The following LRRC69 variants were observed in gnomAD, a reference collection of about 807,000 sequenced individuals.
The protein encoded by LRRC69 is leucine-rich repeat-containing protein 69.
In LRRC69, 42 loss-of-function variants were observed where a neutral mutation model predicts 37.8. The observed-to-expected ratio is 1.11, with a 90% CI of 0.87 to 1.44. LRRC69 has a LOEUF of 1.44. LRRC69 is among the 40% of genes most tolerant of loss of function. LRRC69 has a pLI of 0.00. For missense variants in LRRC69, 357 were observed against 401.9 expected, an observed-to-expected ratio of 0.89 and a Z score of 0.96; for synonymous variants, 141 against 143.1, an observed-to-expected ratio of 0.99 and a Z score of 0.11.
In LRRC69 at chr8:91,194,241, C is replaced by T. The variant is rs1325511108; in HGVS notation, c.753+4618C>T. ...AAGCTTTTTGATGTGCTGCTGGATT[C>T]GGTTTGCCAGTATTTTATTGAGGAT... is the stretch of plus-strand genomic sequence containing the variant. On this transcript the variant is annotated intron_variant, in intron 6 of 7. Transcript: ENST00000448384. Among the ~76,000 whole-genome samples, 16 of 146,430 alleles carry T rather than the reference C, an allele frequency of 1.1e-4. No homozygotes were observed. In the East Asian group the frequency reaches 2.6e-3, roughly 24 times the overall value.
intron 5 of LRRC69, among the ~76,000 whole-genome samples, chr8:91,150,673 T>C (rs2130545726): frequency 6.6e-6 from 1 of 152,024 alleles, no homozygotes; most frequent in African/African-American, 2.4e-5. Context: ...CCAGCTCCTC[T>C]TTGTACCTCT....
intron 2 of LRRC69, among the ~76,000 whole-genome samples, chr8:91,126,473 C>T (rs867570284): frequency 1.4e-4 from 21 of 152,084 alleles, no homozygotes; most frequent in African/African-American, 5.1e-4. Context: ...TTTTAAAAAT[C>T]TGTTTTAAAA....
intron 6 of LRRC69, among the ~76,000 whole-genome samples, chr8:91,195,903 A>G (rs1381423615): frequency 6.6e-6 from 1 of 152,034 alleles, no homozygotes; most frequent in Non-Finnish European, 1.5e-5. Context: ...TTAGCTGGTT[A>G]TTTTGCTCAT....
intron 7 of LRRC69, among the ~76,000 whole-genome samples, chr8:91,202,155 G>A (rs1809720636): frequency 6.6e-6 from 1 of 152,110 alleles, no homozygotes; most frequent in African/African-American, 2.4e-5. Context: ...GTAGTTAACC[G>A]AGATTGCACC....
chr8:91,103,411 CT>C (rs1346170520), intron 1 of LRRC69, among the ~76,000 whole-genome samples: 1 of 151,834 alleles, frequency 6.6e-6, no homozygotes, highest in Non-Finnish European at 1.5e-5. Context: ...AAAAAATATT[CT>C]TTTTTAAAGA....
At chr8:91,219,045 C>A, downstream of LRRC69, 2 of 1,070,608 alleles carry the variant, frequency 1.9e-6, no homozygotes, top group South Asian at 1.4e-5. Flanking sequence ...CTTGCCCTGT[C>A]AGCTCTGCAT....
intron 6 of LRRC69, among the ~76,000 whole-genome samples, chr8:91,190,184 G>A (rs553147145): frequency 1.5e-4 from 23 of 151,928 alleles, no homozygotes; most frequent in Non-Finnish European, 2.5e-4. Context: ...TAATGTGCAG[G>A]ATTGTCATAA....
chr8:91,204,457 C>G (rs1016069128), intron 7 of LRRC69, among the ~76,000 whole-genome samples: 1 of 152,194 alleles, frequency 6.6e-6, no homozygotes, highest in Non-Finnish European at 1.5e-5. Flanking sequence ...AATATGGCCT[C>G]TATGCTGGGG....
intron 5 of LRRC69, among the ~76,000 whole-genome samples, chr8:91,183,025 A>C (rs1809349588): frequency 6.6e-6 from 1 of 152,178 alleles, no homozygotes; most frequent in South Asian, 2.1e-4. Context: ...CATTCCAGAC[A>C]GAAGGAATAG....
chr8:91,140,013 A>G (rs1247089365), intron 5 of LRRC69, among the ~76,000 whole-genome samples: 1 of 149,664 alleles, frequency 6.7e-6, no homozygotes, highest in African/African-American at 2.5e-5. Context: ...GCTTGAACCC[A>G]GAAGGCAGAG....
chr8:91,106,629 G>T (rs1016709764), intron 1 of LRRC69, among the ~76,000 whole-genome samples: 2 of 151,874 alleles, frequency 1.3e-5, no homozygotes, highest in African/African-American at 4.8e-5. Flanking sequence ...ATAAAATGAG[G>T]TCTCCTTGGA....
At chr8:91,144,177 A>G (rs1029015717) in intron 5 of LRRC69, among the ~76,000 whole-genome samples, 2 of 151,834 alleles carry the variant, frequency 1.3e-5, no homozygotes, top group East Asian at 1.9e-4. Flanking sequence ...ATCCACCCCA[A>G]ATTTTGGGGT....
At chr8:91,216,238 AAGAAGG>A (rs1478684511) in intron 7 of LRRC69, among the ~76,000 whole-genome samples, 1 of 152,156 alleles carries the variant, frequency 6.6e-6, no homozygotes, top group Non-Finnish European at 1.5e-5. Context: ...TGTTTCCCCC[AAGAAGG>A]GGAAAGAGGG....
chr8:91,218,875 A>C lies in LRRC69; in HGVS notation c.934-15A>C. 6.7e-7 allele frequency: 1 copy of C among 1,483,520 alleles called. No individual in the cohort carries two copies. Among genetic ancestry groups the C allele is most frequent in the Non-Finnish European group, 9.2e-7 (1 of 1,091,372 alleles). The allele number at this position is 1,483,520 out of a possible 1,614,324, so 91.9% of individuals were successfully genotyped here. On this transcript the variant is annotated splice_polypyrimidine_tract_variant and intron_variant, in intron 7 of 7. Coordinates refer to ENST00000448384, the Ensembl canonical transcript of LRRC69. ...GAACACTGCCTAAATTTTATTTTTAATCTTTACTTTTTAGGACTGGAAGAT... is the reference window on the plus strand; with the variant it reads ...GAACACTGCCTAAATTTTATTTTTACTCTTTACTTTTTAGGACTGGAAGAT...
rs533264592 is a variant in LRRC69, at chr8:91,193,039, G to A, written c.753+3416G>A. 4.6e-3 allele frequency among the ~76,000 whole-genome samples: 699 copies of A among 150,612 alleles called. 5 individuals carry two copies. Among genetic ancestry groups the A allele is most frequent in the African/African-American group, 0.016 (669 of 40,982 alleles). Reference sequence around the variant, plus strand: ...TGATTTTTGTATAAGGTGTAAGGAAGGGATCCAGTTTCAGCTTTCTACATA... The same window carrying A: ...TGATTTTTGTATAAGGTGTAAGGAAAGGATCCAGTTTCAGCTTTCTACATA... On this transcript the variant is annotated intron_variant, in intron 6 of 7. Transcript: ENST00000448384.
At chr8:91,157,156 G>A (rs536527073) in intron 5 of LRRC69, 67 of 713,722 alleles carry the variant, frequency 9.4e-5, no homozygotes, top group African/African-American at 1.4e-4. Context: ...TGTGAAGAGT[G>A]TCATTGGTAT....
In LRRC69 at chr8:91,164,400, G is replaced by A. The variant is rs77556216; in HGVS notation, c.652-25122G>A. 2.6e-5 allele frequency among the ~76,000 whole-genome samples: 4 copies of A among 151,786 alleles called. No individual in the cohort carries two copies. The East Asian group carries it at 7.8e-4, about 30-fold the overall frequency. On this transcript the variant is annotated intron_variant, in intron 5 of 7. Transcript: ENST00000448384. ...GCTTTCCTTTAGGAAAAGCTGGCAA[G>A]GAAATTCCATGGCCTAGAAGTCTGA... is the stretch of plus-strand genomic sequence containing the variant.
chr8:91,135,246 C>T (rs1813889117), intron 4 of LRRC69, among the ~76,000 whole-genome samples: 1 of 152,032 alleles, frequency 6.6e-6, no homozygotes, highest in Non-Finnish European at 1.5e-5. Flanking sequence ...ATGGGGATTG[C>T]AGACAGCCTC....
intron 5 of LRRC69, chr8:91,158,285 T>C: frequency 6.6e-7 from 1 of 1,516,964 alleles, no homozygotes; most frequent in African/African-American, 1.4e-5. Flanking sequence ...AAGACATTAC[T>C]TGAAAGTATT....
Sources: allele counts gnomAD v4.1 joint callset (sites outside exome capture counted in the v4.1 genomes callset), GRCh38; gene constraint gnomAD v4.1.1; transcripts MANE v1.5; gene names NCBI Gene and HGNC (gene_info 2026-07-23, HGNC 2026-07-21).